XYLT1: variants seen among roughly 807,000 people sequenced by gnomAD.
The protein encoded by XYLT1 is beta-D-xylosyltransferase 1.
A neutral mutation model predicts 91.3 loss-of-function variants in XYLT1; 36 were observed. The observed-to-expected ratio is 0.39, with a 90% CI of 0.30 to 0.52. XYLT1 has a LOEUF of 0.52. XYLT1 is among the 20% of genes least tolerant of loss of function. XYLT1 has a pLI of 0.68. For synonymous variants in XYLT1, 588 were observed against 532.0 expected (o/e 1.11, Z -1.45); for missense variants, 1,242 against 1,284.5 (o/e 0.97, Z 0.51).
At chr16:17,288,641 G>T (rs1384438746) in intron 2 of XYLT1, among the ~76,000 whole-genome samples, 2 of 152,200 alleles carry the variant, frequency 1.3e-5, no homozygotes, top group Non-Finnish European at 2.9e-5. Flanking sequence ...TAGCAGAGGT[G>T]ACCCTAAGTT....
At chr16:17,120,565 A>G (rs937813698) in intron 10 of XYLT1, among the ~76,000 whole-genome samples, 1 of 152,148 alleles carries the variant, frequency 6.6e-6, no homozygotes, top group East Asian at 1.9e-4. Context: ...ATTTTGGCTC[A>G]GGCATCACCT....
rs148283243 is a variant in XYLT1, at chr16:17,394,066, C to G, written c.364-36016G>C. On this transcript the variant is annotated intron_variant, in intron 1 of 11. Transcript: ENST00000261381. ...CTGGCATTACAGGCATGAGCCACCA[C>G]GCCCGGCCAATTGATTTTTTTTTAA... 4.1e-3 allele frequency among the ~76,000 whole-genome samples: 621 copies of G among 152,250 alleles called. 5 individuals are homozygous for G. Among genetic ancestry groups the G allele is most frequent in the African/African-American group, 0.014 (589 of 41,558 alleles).
chr16:17,395,240 C>T (rs1401605250), intron 1 of XYLT1, among the ~76,000 whole-genome samples: 2 of 152,208 alleles, frequency 1.3e-5, no homozygotes, highest in Non-Finnish European at 2.9e-5. Flanking sequence ...CCCCCCTCAT[C>T]CAATCACCTC....
chr16:17,421,311 A>T (rs929622862), intron 1 of XYLT1, among the ~76,000 whole-genome samples: 1 of 152,222 alleles, frequency 6.6e-6, no homozygotes, highest in African/African-American at 2.4e-5. Context: ...TTTTCCAAAG[A>T]TGACCACAGC....
rs751482870 is a variant in XYLT1, at chr16:17,134,703, C to T, written c.1797G>A (p.Lys599=). The change falls in exon 9 of 12, where the codon AAG becomes AAA. Residue 599 remains lysine, a synonymous_variant. Transcript: ENST00000261381. The stretch of plus-strand genomic sequence containing the variant: ...TTTCCTGATTCACCACGGCTTCAAA[C>T]TTGCGGGCAAAGAAGGTAGGCCGGG... ...QTARPTFFAR[K]FEAVVNQEII... The T allele has an allele frequency of 5.6e-6, 9 of 1,614,214 alleles. No individual in the cohort carries two copies. The highest frequency in any genetic ancestry group is 1.6e-4 in the Middle Eastern group (1 of 6,062).
intron 1 of XYLT1, among the ~76,000 whole-genome samples, chr16:17,445,186 G>A (rs1341173163): frequency 6.6e-6 from 1 of 152,028 alleles, no homozygotes; most frequent in Admixed American, 6.5e-5. Flanking sequence ...GGAAAGACAG[G>A]GTTTCACTAT....
chr16:17,296,648 C>T (rs2034315632), intron 2 of XYLT1, among the ~76,000 whole-genome samples: 1 of 152,302 alleles, frequency 6.6e-6, no homozygotes, highest in East Asian at 1.9e-4. Context: ...AGCCCGGGGC[C>T]AACTGGGGAC....
At chr16:17,459,908 A>AGACGCTGTGAGGAAGG (rs1439473610) in intron 1 of XYLT1, among the ~76,000 whole-genome samples, 1 of 152,178 alleles carries the variant, frequency 6.6e-6, no homozygotes, top group Non-Finnish European at 1.5e-5. Flanking sequence ...ACGGGTTACA[A>AGACGCTGTGAGGAAGG]GACGCTGTGA....
chr16:17,433,437 A>C lies in XYLT1; in HGVS notation c.363+36997T>G, dbSNP rs184299915. Reference sequence around the variant, plus strand: ...TCCAGCAGATGGGAGAATCATAAAAAGTAAGGAAGCACGGTCGGGAAGGGT... The same window carrying C: ...TCCAGCAGATGGGAGAATCATAAAACGTAAGGAAGCACGGTCGGGAAGGGT... On this transcript the variant is annotated intron_variant, in intron 1 of 11. Coordinates refer to ENST00000261381, the MANE Select transcript of XYLT1 (RefSeq NM_022166.4). Among the ~76,000 whole-genome samples, 17 of 152,368 alleles carry C rather than the reference A, an allele frequency of 1.1e-4. No individual in the cohort carries two copies. In the East Asian group the frequency reaches 3.3e-3, roughly 29 times the overall value.
rs2030971838 is a variant in XYLT1 at position 17,141,424 on chromosome 16, A to T, written c.1371-55T>A. 35 of 1,546,484 alleles carry T rather than the reference A, an allele frequency of 2.3e-5. 1 individual carries two copies. The South Asian group carries it at 4.0e-4, about 18-fold the overall frequency. ...GAGGTGTCCTGAAAGACAGAACTCC[A>T]GCCAGAGTCCAAATAAAACAACACA... On this transcript the variant is annotated intron_variant, in intron 6 of 11. Coordinates refer to ENST00000261381, the MANE Select transcript of XYLT1 (RefSeq NM_022166.4).
At chr16:17,190,002 T>A (rs1356271145) in intron 5 of XYLT1, among the ~76,000 whole-genome samples, 1 of 152,080 alleles carries the variant, frequency 6.6e-6, no homozygotes, top group East Asian at 1.9e-4. Flanking sequence ...GCCAAGATCG[T>A]GCCATTGCAC....
At chr16:17,160,461 G>A (rs1188515569) in intron 5 of XYLT1, among the ~76,000 whole-genome samples, 2 of 152,172 alleles carry the variant, frequency 1.3e-5, no homozygotes, top group Non-Finnish European at 2.9e-5. Flanking sequence ...CATAATTCCA[G>A]CGGAGGGGGC....
At chr16:17,328,837 T>C (rs906383334) in intron 2 of XYLT1, among the ~76,000 whole-genome samples, 5 of 152,176 alleles carry the variant, frequency 3.3e-5, no homozygotes, top group Admixed American at 6.5e-5. Context: ...AAATGGGTGA[T>C]AGAGTTTAGA....
Position 17,104,342 on chromosome 16 carries a change from A to C in XYLT1, c.*4353T>G, listed in dbSNP as rs755785982. The C allele has an allele frequency of 1.3e-5, 2 of 152,304 alleles. No individual in the cohort carries two copies. Among genetic ancestry groups the C allele is most frequent in the African/African-American group, 2.4e-5 (1 of 41,466 alleles). 9.4% of individuals were successfully genotyped at this position (152,304 alleles called of 1,614,324 possible). Reference sequence around the variant, plus strand: ...GTGGACCTCTGCATATCTAAGGGGCAGCAGTCCAGATCTCCAGATTCTATT... The same window carrying C: ...GTGGACCTCTGCATATCTAAGGGGCCGCAGTCCAGATCTCCAGATTCTATT... On this transcript the variant is annotated 3_prime_UTR_variant, in exon 12 of 12. Transcript: ENST00000261381.
chr16:17,131,502 A>C (rs767002108), intron 9 of XYLT1, among the ~76,000 whole-genome samples: 1 of 152,202 alleles, frequency 6.6e-6, no homozygotes, highest in Non-Finnish European at 1.5e-5. Flanking sequence ...CCAGGTTCCC[A>C]TGGTCAGCCC....
At chr16:17,156,670 C>T (rs569513979) in intron 6 of XYLT1, among the ~76,000 whole-genome samples, 30 of 152,290 alleles carry the variant, frequency 2.0e-4, no homozygotes, top group African/African-American at 7.0e-4. Context: ...GGATCCTATA[C>T]AAAAAGGGCC....
At chr16:17,438,226 G>A (rs1219431348) in intron 1 of XYLT1, among the ~76,000 whole-genome samples, 3 of 152,186 alleles carry the variant, frequency 2.0e-5, no homozygotes, top group Non-Finnish European at 2.9e-5. Flanking sequence ...AGGAAAACAG[G>A]AAGAAGATGA....
chr16:17,115,496 T>G (rs1233426609), intron 11 of XYLT1, among the ~76,000 whole-genome samples: 3 of 150,712 alleles, frequency 2.0e-5, no homozygotes, highest in Non-Finnish European at 4.4e-5. Flanking sequence ...TTTTTTTTTT[T>G]TGAGACAGAA....
chr16:17,381,483 G>A lies in XYLT1; in HGVS notation c.364-23433C>T, dbSNP rs573945139. Among the ~76,000 whole-genome samples, 5 of 147,720 alleles carry A rather than the reference G, an allele frequency of 3.4e-5. No individual in the cohort carries two copies. The East Asian group carries it at 8.0e-4, about 24-fold the overall frequency. Reference sequence around the variant, plus strand: ...TCTGTCACCCAAGCTGGATTGGAGCGCAGTGGCATGATCTCGGCTCACTGC... The same window carrying A: ...TCTGTCACCCAAGCTGGATTGGAGCACAGTGGCATGATCTCGGCTCACTGC... On this transcript the variant is annotated intron_variant, in intron 1 of 11. Transcript: ENST00000261381.
Sources: gnomAD v4.1 joint callset for allele counts (sites outside exome capture counted in the v4.1 genomes callset) on GRCh38, gnomAD v4.1.1 for gene constraint, MANE v1.5 for transcripts, NCBI Gene and HGNC (gene_info 2026-07-23, HGNC 2026-07-21) for gene names.